ANKS1B: variants seen among roughly 807,000 people sequenced by gnomAD.
ANKS1B encodes ankyrin repeat and sterile alpha motif domain containing 1B.
A neutral mutation model predicts 148.3 loss-of-function variants in ANKS1B; 36 were observed. The observed-to-expected ratio is 0.24, with a 90% CI of 0.19 to 0.32. ANKS1B has a LOEUF of 0.32. ANKS1B is among the 10% of genes least tolerant of loss of function. The pLI is 1.00. For missense variants in ANKS1B, 1,157 were observed against 1,542.6 expected (o/e 0.75, Z 4.19); for synonymous variants, 542 against 560.8 (o/e 0.97, Z 0.47).
chr12:99,631,628 G>T (rs543854793), intron 9 of ANKS1B, among the ~76,000 whole-genome samples: 43 of 152,182 alleles, frequency 2.8e-4, no homozygotes, highest in Non-Finnish European at 5.4e-4. Context: ...AATGGGCAAA[G>T]AACTTGGCTG....
chr12:99,477,804 C>A (rs745719450), intron 10 of ANKS1B, among the ~76,000 whole-genome samples: 6 of 152,064 alleles, frequency 3.9e-5, no homozygotes, highest in Non-Finnish European at 8.8e-5. Context: ...AGGTCATAAA[C>A]AGGAATATTC....
At chr12:99,035,429 A>G (rs910568315) in intron 17 of ANKS1B, among the ~76,000 whole-genome samples, 1 of 152,116 alleles carries the variant, frequency 6.6e-6, no homozygotes, top group Non-Finnish European at 1.5e-5. Context: ...TTCTTCACTC[A>G]GTCTATTAGC....
At chr12:99,978,627 A>G (rs1274234737) in intron 1 of ANKS1B, among the ~76,000 whole-genome samples, 1 of 152,186 alleles carries the variant, frequency 6.6e-6, no homozygotes, top group Non-Finnish European at 1.5e-5. Context: ...TGAGTTTCTT[A>G]TATCAGGGTC....
intron 14 of ANKS1B, among the ~76,000 whole-genome samples, chr12:99,163,070 T>A (rs1415002838): frequency 2.6e-5 from 4 of 151,662 alleles, no homozygotes; most frequent in East Asian, 1.9e-4. Flanking sequence ...AAAAAAAAAA[T>A]TCTACTAAGT....
chr12:98,907,549 T>C (rs1230877713), intron 17 of ANKS1B, among the ~76,000 whole-genome samples: 1 of 152,120 alleles, frequency 6.6e-6, no homozygotes, highest in African/African-American at 2.4e-5. Context: ...CCTTGACCAC[T>C]CTCTTCCCCC....
intron 9 of ANKS1B, among the ~76,000 whole-genome samples, chr12:99,601,821 C>A (rs1183596027): frequency 3.3e-5 from 5 of 151,918 alleles, no homozygotes; most frequent in Non-Finnish European, 7.4e-5. Context: ...AGTGAGGAAA[C>A]CTAGTAAGAC....
At chr12:99,539,079 T>A (rs1372986944) in intron 9 of ANKS1B, among the ~76,000 whole-genome samples, 2 of 152,182 alleles carry the variant, frequency 1.3e-5, no homozygotes, top group African/African-American at 4.8e-5. Flanking sequence ...ATCCCAGGGA[T>A]AAATTTCACT....
chr12:99,154,862 T>A (rs1302538963), intron 14 of ANKS1B: 1 of 1,533,548 alleles, frequency 6.5e-7, no homozygotes, highest in Admixed American at 2.0e-5. Flanking sequence ...CTCCCCTTCA[T>A]TACCCAGCCC....
At chr12:99,591,493 T>C (rs2153234313) in intron 9 of ANKS1B, among the ~76,000 whole-genome samples, 1 of 152,186 alleles carries the variant, frequency 6.6e-6, no homozygotes, top group South Asian at 2.1e-4. Context: ...CTTACTTTTA[T>C]ACTGCAACAA....
intron 22 of ANKS1B, among the ~76,000 whole-genome samples, chr12:98,796,208 T>C (rs919887374): frequency 6.6e-6 from 1 of 152,206 alleles, no homozygotes; most frequent in African/African-American, 2.4e-5. Context: ...TGATCAGAAT[T>C]GGGAACCACA....
intron 17 of ANKS1B, among the ~76,000 whole-genome samples, chr12:98,872,246 A>G (rs1365514810): frequency 6.6e-6 from 1 of 152,164 alleles, no homozygotes; most frequent in African/African-American, 2.4e-5. Flanking sequence ...GCTTTAAAAG[A>G]GCTAATTAAT....
At chr12:98,759,473 G>A (rs1173682603) in intron 25 of ANKS1B, among the ~76,000 whole-genome samples, 1 of 152,116 alleles carries the variant, frequency 6.6e-6, no homozygotes. Flanking sequence ...CCTTGTCCCC[G>A]AGGCTATACG....
At chr12:99,121,457 T>C (rs1215260343) in intron 15 of ANKS1B, among the ~76,000 whole-genome samples, 1 of 152,078 alleles carries the variant, frequency 6.6e-6, no homozygotes, top group South Asian at 2.1e-4. Flanking sequence ...TTAAGGTACT[T>C]GAGGTTTGAT....
intron 1 of ANKS1B, among the ~76,000 whole-genome samples, chr12:99,882,167 T>C (rs2092550104): frequency 6.6e-6 from 1 of 152,098 alleles, no homozygotes; most frequent in South Asian, 2.1e-4. Flanking sequence ...AGAATAAAAA[T>C]GACAAAGTAT....
intron 9 of ANKS1B, among the ~76,000 whole-genome samples, chr12:99,542,190 T>C (rs976785175): frequency 7.2e-5 from 11 of 152,178 alleles, no homozygotes; most frequent in African/African-American, 2.7e-4. Context: ...AAACTTTATT[T>C]GAAATAATGG....
chr12:99,589,501 T>A (rs1048715836), intron 9 of ANKS1B, among the ~76,000 whole-genome samples: 2 of 152,210 alleles, frequency 1.3e-5, no homozygotes, highest in African/African-American at 4.8e-5. Flanking sequence ...CTCCTTTCCA[T>A]TAGGTCATCT....
chr12:99,620,876 A>G (rs1176972983), intron 9 of ANKS1B, among the ~76,000 whole-genome samples: 4 of 152,194 alleles, frequency 2.6e-5, no homozygotes, highest in Non-Finnish European at 4.4e-5. Flanking sequence ...CTTGCTAGAG[A>G]GGTAGACATC....
At chr12:99,392,945 C>T (rs1411970866) in intron 12 of ANKS1B, among the ~76,000 whole-genome samples, 1 of 152,066 alleles carries the variant, frequency 6.6e-6, no homozygotes, top group East Asian at 1.9e-4. Flanking sequence ...GAGATTTCCC[C>T]ATCTCCACTA....
At chr12:99,369,881 T>C (rs1213126572) in intron 12 of ANKS1B, among the ~76,000 whole-genome samples, 2 of 151,804 alleles carry the variant, frequency 1.3e-5, no homozygotes, top group Non-Finnish European at 2.9e-5. Context: ...GATAGATAGA[T>C]AGATAGATAG....
Sources: allele counts gnomAD v4.1 joint callset (sites outside exome capture counted in the v4.1 genomes callset), GRCh38; gene constraint gnomAD v4.1.1; transcripts MANE v1.5; gene names NCBI Gene and HGNC (gene_info 2026-07-23, HGNC 2026-07-21).